The following MS4A2 variants were observed in gnomAD, a reference collection of about 807,000 sequenced individuals.
MS4A2 encodes the protein membrane spanning 4-domains A2.
MS4A2 carries 26 observed loss-of-function variants against 27.9 expected under a neutral mutation model. The observed-to-expected ratio is 0.93, with a 90% CI of 0.68 to 1.29. The LOEUF (loss-of-function observed/expected upper bound fraction) is 1.29. Ranked by LOEUF, MS4A2 falls within the 50% of genes most tolerant of loss-of-function variation. MS4A2 has a pLI of 0.00. For synonymous variants in MS4A2, 110 were observed against 98.8 expected (o/e 1.11, Z -0.67); for missense variants, 284 against 284.6 (o/e 1.00, Z 0.01).
At position 60,093,276 on chromosome 11, in the gene MS4A2, T is replaced by A. The variant is rs1379441143; in HGVS notation, c.379-124T>A. 4 of 1,302,422 alleles carry A rather than the reference T, an allele frequency of 3.1e-6. No individual in the cohort carries two copies. The East Asian group carries it at 9.9e-5, about 32-fold the overall frequency. 80.7% of individuals were successfully genotyped at this position (1,302,422 alleles called of 1,614,324 possible). Reference sequence around the variant, plus strand: ...ATGCGGACATTTTCAGGGTTTCCCTTTTTAACCAAAATTTGGAAGCAATGT... The same window carrying A: ...ATGCGGACATTTTCAGGGTTTCCCTATTTAACCAAAATTTGGAAGCAATGT... On this transcript the variant is annotated intron_variant, in intron 4 of 6. Coordinates refer to ENST00000278888, the MANE Select transcript of MS4A2 (RefSeq NM_000139.5).
intron 6 of MS4A2, among the ~76,000 whole-genome samples, 193 bp downstream of exon 6, chr11:60,094,255 T>A (rs1412245242): frequency 1.3e-5 from 2 of 152,230 alleles, no homozygotes; most frequent in African/African-American, 4.8e-5. Context: ...TTTCATAATA[T>A]ATCCCTCTGA....
In MS4A2 at chr11:60,095,869, G is replaced by A. The variant is rs563970353; in HGVS notation, c.*213G>A. The A allele has an allele frequency of 1.1e-5, 6 of 562,884 alleles. No individual in the cohort carries two copies. The highest frequency in any genetic ancestry group is 1.9e-5 in the Non-Finnish European group (6 of 316,310). 34.9% of individuals were successfully genotyped at this position (562,884 alleles called of 1,614,324 possible). ...GATATGATAGACTCCTATTTTTCTTGTTTTATATTATGACCACACACATCT... is the reference window on the plus strand; with the variant it reads ...GATATGATAGACTCCTATTTTTCTTATTTTATATTATGACCACACACATCT... On this transcript the variant is annotated 3_prime_UTR_variant, in exon 7 of 7. Coordinates refer to ENST00000278888, the MANE Select transcript of MS4A2 (RefSeq NM_000139.5).
chr11:60,089,366 T>C (rs149958705), intron 1 of MS4A2, among the ~76,000 whole-genome samples: 100 of 152,350 alleles, frequency 6.6e-4, no homozygotes, highest in African/African-American at 2.2e-3. Context: ...GATTGTGAGA[T>C]GCATAGGTAA....
chr11:60,091,048 G>C (rs1855750416), intron 3 of MS4A2, among the ~76,000 whole-genome samples: 1 of 152,150 alleles, frequency 6.6e-6, no homozygotes, highest in South Asian at 2.1e-4. Flanking sequence ...CTACTTAAGA[G>C]GCTGAGGCAG....
At chr11:60,095,074 C>T (rs1763959311) in intron 6 of MS4A2, among the ~76,000 whole-genome samples, 2 of 151,994 alleles carry the variant, frequency 1.3e-5, no homozygotes, top group South Asian at 4.1e-4. Flanking sequence ...CCAGCCTGGC[C>T]AACATGGTGA....
intron 1 of MS4A2, 26 bp from the exon 2 acceptor site, chr11:60,089,666 G>C: frequency 1.2e-6 from 2 of 1,613,996 alleles, no homozygotes; most frequent in Non-Finnish European, 1.7e-6. Flanking sequence ...ATGTTCTCAT[G>C]ACTGAATTGC....
At chr11:60,090,120 G>A (rs976697236) in intron 2 of MS4A2, among the ~76,000 whole-genome samples, 3 of 152,156 alleles carry the variant, frequency 2.0e-5, no homozygotes, top group Admixed American at 6.5e-5. Context: ...ACATAAAGGC[G>A]CATGGAGAAA....
In MS4A2 at chr11:60,097,236, A is replaced by T. The variant is rs904023293; in HGVS notation, c.*1580A>T. On this transcript the variant is annotated 3_prime_UTR_variant, in exon 7 of 7. Coordinates refer to ENST00000278888, the MANE Select transcript of MS4A2 (RefSeq NM_000139.5). ...TAGAAGATACAATAATTAGTCATAA[A>T]CATGCATTGTGAAACTGTAGAGAGC... The T allele has an allele frequency of 1.7e-4, 26 of 152,234 alleles. No individual in the cohort carries two copies. The highest frequency in any genetic ancestry group is 6.3e-4 in the African/African-American group (26 of 41,454). 9.4% of individuals were successfully genotyped at this position (152,234 alleles called of 1,614,324 possible).
intron 5 of MS4A2, 140 bp downstream of exon 5, chr11:60,093,698 C>G (rs758301576): frequency 8.0e-7 from 1 of 1,247,230 alleles, no homozygotes. Flanking sequence ...GTTCACACAG[C>G]CCAGGGAGAT....
chr11:60,097,482 A>G lies in MS4A2; in HGVS notation c.*1826A>G, dbSNP rs972063581. On this transcript the variant is annotated 3_prime_UTR_variant, in exon 7 of 7. Coordinates refer to ENST00000278888, the MANE Select transcript of MS4A2 (RefSeq NM_000139.5). ...GAGTAAATGAATAAAACATTTGCAA[A>G]GACCTTTAGAGAAAGAGAATGGGAG... 3.9e-5 allele frequency: 6 copies of G among 152,280 alleles called. No individual in the cohort carries two copies. The highest frequency in any genetic ancestry group is 1.4e-4 in the African/African-American group (6 of 41,478). 9.4% of individuals were successfully genotyped at this position (152,280 alleles called of 1,614,324 possible).
chr11:60,095,341 C>T (rs1290664546), intron 6 of MS4A2, among the ~76,000 whole-genome samples: 1 of 152,192 alleles, frequency 6.6e-6, no homozygotes, highest in African/African-American at 2.4e-5. Context: ...TAAGGAATAA[C>T]CTCACCAACT....
At position 60,097,310 on chromosome 11, in the gene MS4A2, A is replaced by C. The variant is rs1288905957; in HGVS notation, c.*1654A>C. 6.6e-6 allele frequency: 1 copy of C among 152,270 alleles called. No homozygotes were observed. The highest frequency in any genetic ancestry group is 1.5e-5 in the Non-Finnish European group (1 of 68,050). The allele number at this position is 152,270 out of a possible 1,614,324, so 9.4% of individuals were successfully genotyped here. A position where few individuals can be genotyped will look rare whatever the true frequency, so the allele number is the denominator to read the frequency against. Reference sequence around the variant, plus strand: ...TTAGATAAAGAGAAAATAAGTATCCATCAGAGACAGTATCTCTAGGCTTGG... The same window carrying C: ...TTAGATAAAGAGAAAATAAGTATCCCTCAGAGACAGTATCTCTAGGCTTGG... On this transcript the variant is annotated 3_prime_UTR_variant, in exon 7 of 7. Transcript: ENST00000278888.
Position 60,097,175 on chromosome 11 carries a change from A to T in MS4A2, c.*1519A>T, listed in dbSNP as rs1855883958. 1 of 152,248 alleles carries T rather than the reference A, an allele frequency of 6.6e-6. No homozygotes were observed. Among genetic ancestry groups the T allele is most frequent in the African/African-American group, 2.4e-5 (1 of 41,466 alleles). The allele number at this position is 152,248 out of a possible 1,614,324, so 9.4% of individuals were successfully genotyped here. A position where few individuals can be genotyped will look rare whatever the true frequency, so the allele number is the denominator to read the frequency against. ...AAGCTAAGCTAAACTTCACATGCCT[A>T]TAATTGGAGGGAAAAACTAAGGATA... is the stretch of plus-strand genomic sequence containing the variant. On this transcript the variant is annotated 3_prime_UTR_variant, in exon 7 of 7. Transcript: ENST00000278888.
At chr11:60,092,942 A>G (rs1855793265) in intron 4 of MS4A2, 94 bp downstream of exon 4, 2 of 1,209,964 alleles carry the variant, frequency 1.7e-6, no homozygotes, top group South Asian at 2.5e-5. Context: ...TGTCTCCTAT[A>G]TTACTTGTGA....
In MS4A2 at chr11:60,089,681, A is replaced by G; in HGVS notation, c.57-11A>G. On this transcript the variant is annotated splice_polypyrimidine_tract_variant and intron_variant, in intron 1 of 6. Coordinates refer to ENST00000278888, the MANE Select transcript of MS4A2 (RefSeq NM_000139.5). ...ATGTTCTCATGACTGAATTGCTTTT[A>G]AATTTCACAGTGTGCCTGCATTTGA... The G allele has an allele frequency of 6.2e-7, 1 of 1,614,150 alleles. No individual in the cohort carries two copies. The highest frequency in any genetic ancestry group is 8.5e-7 in the Non-Finnish European group (1 of 1,179,978).
rs1467956464 is a variant in MS4A2, at chr11:60,096,442, A to G, written c.*786A>G. 1.3e-5 allele frequency: 2 copies of G among 152,236 alleles called. No individual in the cohort carries two copies. Among genetic ancestry groups the G allele is most frequent in the Non-Finnish European group, 2.9e-5 (2 of 68,052 alleles). 9.4% of individuals were successfully genotyped at this position (152,236 alleles called of 1,614,324 possible). A position where few individuals can be genotyped will look rare whatever the true frequency, so the allele number is the denominator to read the frequency against. ...TGAAATAAAGTGAGTGGAAATGGAAATAATGGTTATATCTAAAACATGTAG... is the reference window on the plus strand; with the variant it reads ...TGAAATAAAGTGAGTGGAAATGGAAGTAATGGTTATATCTAAAACATGTAG... On this transcript the variant is annotated 3_prime_UTR_variant, in exon 7 of 7. Coordinates refer to ENST00000278888, the MANE Select transcript of MS4A2 (RefSeq NM_000139.5).
rs377541341 is a variant in MS4A2, at chr11:60,094,102, A to C, written c.636+40A>C. 1.4e-5 allele frequency: 19 copies of C among 1,344,496 alleles called. No homozygotes were observed. The African/African-American group carries it at 2.6e-4, about 18-fold the overall frequency. The allele number at this position is 1,344,496 out of a possible 1,614,324, so 83.3% of individuals were successfully genotyped here. The stretch of plus-strand genomic sequence containing the variant: ...GATATAAAATCTTGAATGACAGGTT[A>C]ACGAATTGGAGCTTTATTCCTTAAA... On this transcript the variant is annotated intron_variant, in intron 6 of 6. Transcript: ENST00000278888.
At chr11:60,094,137 T>G in intron 6 of MS4A2, 75 bp downstream of exon 6, 1 of 961,230 alleles carries the variant, frequency 1.0e-6, no homozygotes, top group Non-Finnish European at 1.7e-6. Context: ...AAATATGGCC[T>G]GGGTTTTCTG....
chr11:60,093,775 G>C (rs974038939), intron 5 of MS4A2, 189 bp from the exon 6 acceptor site: 7 of 792,960 alleles, frequency 8.8e-6, no homozygotes, highest in Non-Finnish European at 1.5e-5. Flanking sequence ...TGCAAGTGAC[G>C]ATCTCTGGGT....
Sources: gnomAD v4.1 joint callset for allele counts (sites outside exome capture counted in the v4.1 genomes callset) on GRCh38, gnomAD v4.1.1 for gene constraint, MANE v1.5 for transcripts, NCBI Gene and HGNC (gene_info 2026-07-23, HGNC 2026-07-21) for gene names.